The following TLN2 variants were observed in gnomAD, a reference collection of about 807,000 sequenced individuals.
TLN2 encodes the protein talin 2, also known as talin-2.
A neutral mutation model predicts 294.7 loss-of-function variants in TLN2; 118 were observed. The ratio of observed to expected loss-of-function variants is 0.40; its 90% CI spans 0.34 to 0.47. The LOEUF (loss-of-function observed/expected upper bound fraction) is 0.47, where lower values mean the gene tolerates loss of function less well. TLN2 is among the 20% of genes least tolerant of loss of function. TLN2 has a pLI of 0.84. For missense variants in TLN2, 3,083 were observed against 3,282.2 expected, an observed-to-expected ratio of 0.94 and a Z score of 1.48; for synonymous variants, 1,431 against 1,304.5, an observed-to-expected ratio of 1.10 and a Z score of -2.09.
In TLN2 at chr15:62,604,686, TTCG is replaced by T. The variant is rs1002314120; in HGVS notation, c.-161-13662_-161-13660del. 2.3e-3 allele frequency among the ~76,000 whole-genome samples: 326 copies of T among 140,270 alleles called. 2 individuals are homozygous for T. The highest frequency in any genetic ancestry group is 5.4e-3 in the Admixed American group (74 of 13,694). 92.0% of individuals were successfully genotyped at this position (140,270 alleles called of 152,430 possible). On this transcript the variant is annotated intron_variant, in intron 2 of 58. Transcript: ENST00000636159. ...GGGAGTGGAAAGTGGATTTCTTCTC[TTCG>T]TCTTCTTTTTTTTTTTTTTTTAATT... is the stretch of plus-strand genomic sequence containing the variant.
At chr15:62,746,064 C>T (rs980833939) in intron 32 of TLN2, among the ~76,000 whole-genome samples, 1 of 152,176 alleles carries the variant, frequency 6.6e-6, no homozygotes, top group African/African-American at 2.4e-5. Context: ...TTGAGGAAAA[C>T]TGGCGGCTTT....
intron 1 of TLN2, among the ~76,000 whole-genome samples, chr15:62,470,429 G>A (rs2037407037): frequency 6.6e-6 from 1 of 152,266 alleles, no homozygotes; most frequent in African/African-American, 2.4e-5. Context: ...CTGGGCCAGG[G>A]CTGACAGTGG....
At chr15:62,471,632 A>G (rs1254967849) in intron 1 of TLN2, among the ~76,000 whole-genome samples, 3 of 151,966 alleles carry the variant, frequency 2.0e-5, no homozygotes, top group African/African-American at 7.3e-5. Flanking sequence ...GGCAAGAACT[A>G]CCCTTTTCTG....
intron 1 of TLN2, among the ~76,000 whole-genome samples, chr15:62,444,082 T>C (rs2035692646): frequency 6.6e-6 from 1 of 152,214 alleles, no homozygotes; most frequent in Non-Finnish European, 1.5e-5. Context: ...CCTACCGATG[T>C]GAGCCTTGGA....
At chr15:62,710,092 A>G (rs1382844195) in intron 21 of TLN2, among the ~76,000 whole-genome samples, 6 of 152,152 alleles carry the variant, frequency 3.9e-5, no homozygotes, top group East Asian at 1.9e-4. Context: ...ATAGTATTCT[A>G]TTTTTTGAAG....
chr15:62,544,364 G>C (rs2041871123), intron 1 of TLN2, among the ~76,000 whole-genome samples: 1 of 152,060 alleles, frequency 6.6e-6, no homozygotes, highest in Admixed American at 6.5e-5. Flanking sequence ...CCTCCTGTGG[G>C]GCATCTGCTT....
At chr15:62,796,910 A>G (rs1042792457) in intron 47 of TLN2, among the ~76,000 whole-genome samples, 15 of 152,204 alleles carry the variant, frequency 9.9e-5, no homozygotes, top group Non-Finnish European at 1.5e-5. Flanking sequence ...GGAGTCACAG[A>G]AAAGAAGCTG....
rs28864183 is a variant in TLN2 at position 62,595,691 on chromosome 15, A to T, written c.-162+5929A>T. ...TCCATCATTGGATGAATAGATAAAGAAAATGTGGTATACATACACAGTGAA... is the reference window on the plus strand; with the variant it reads ...TCCATCATTGGATGAATAGATAAAGTAAATGTGGTATACATACACAGTGAA... On this transcript the variant is annotated intron_variant, in intron 2 of 58. Transcript: ENST00000636159. Among the ~76,000 whole-genome samples the T allele has an allele frequency of 2.6e-3, 396 of 152,354 alleles. 4 individuals are homozygous for T. Among genetic ancestry groups the T allele is most frequent in the African/African-American group, 9.2e-3 (384 of 41,594 alleles).
intron 1 of TLN2, among the ~76,000 whole-genome samples, chr15:62,558,560 C>G (rs941974511): frequency 6.6e-6 from 1 of 152,074 alleles, no homozygotes; most frequent in Non-Finnish European, 1.5e-5. Context: ...ACAGATTTAA[C>G]AAGAGAAAAA....
intron 44 of TLN2, among the ~76,000 whole-genome samples, chr15:62,783,483 G>C (rs936711418): frequency 1.3e-5 from 2 of 152,230 alleles, no homozygotes; most frequent in African/African-American, 4.8e-5. Flanking sequence ...GCTCCAAGCT[G>C]CACAGCCCGA....
intron 22 of TLN2, among the ~76,000 whole-genome samples, chr15:62,715,047 T>C (rs2140900326): frequency 6.6e-6 from 1 of 152,284 alleles, no homozygotes; most frequent in African/African-American, 2.4e-5. Flanking sequence ...AGTAGCCCAA[T>C]CCTTTTACAT....
chr15:62,568,220 G>T (rs111294031), intron 1 of TLN2, among the ~76,000 whole-genome samples: 1 of 152,026 alleles, frequency 6.6e-6, no homozygotes, highest in East Asian at 1.9e-4. Flanking sequence ...AGGAGGGAGC[G>T]GCAGGAGGGG....
chr15:62,494,102 A>C (rs1232669514), intron 1 of TLN2, among the ~76,000 whole-genome samples: 1 of 152,130 alleles, frequency 6.6e-6, no homozygotes, highest in Non-Finnish European at 1.5e-5. Flanking sequence ...GGTAGTTTTC[A>C]TGTGAATTTT....
chr15:62,489,915 G>T (rs911215335), intron 1 of TLN2, among the ~76,000 whole-genome samples: 6 of 152,224 alleles, frequency 3.9e-5, no homozygotes, highest in African/African-American at 1.4e-4. Flanking sequence ...CAAACCTTCA[G>T]ATGATTGTAG....
intron 1 of TLN2, among the ~76,000 whole-genome samples, chr15:62,511,668 G>A (rs1163684039): frequency 6.7e-6 from 1 of 148,704 alleles, no homozygotes; most frequent in Admixed American, 6.7e-5. Flanking sequence ...TAAGCGGTAT[G>A]CTTCATGGAG....
At chr15:62,767,157 G>T (rs887569492) in intron 41 of TLN2, among the ~76,000 whole-genome samples, 1 of 152,090 alleles carries the variant, frequency 6.6e-6, no homozygotes, top group African/African-American at 2.4e-5. Context: ...AATCTTCTTG[G>T]CAGGTATCGA....
intron 2 of TLN2, among the ~76,000 whole-genome samples, chr15:62,616,168 T>C (rs2048302911): frequency 6.6e-6 from 1 of 152,206 alleles, no homozygotes; most frequent in Non-Finnish European, 1.5e-5. Flanking sequence ...CCTTTTCACA[T>C]TTTCTCTTGT....
intron 1 of TLN2, among the ~76,000 whole-genome samples, chr15:62,483,963 G>C (rs2038243914): frequency 6.6e-6 from 1 of 152,196 alleles, no homozygotes; most frequent in Non-Finnish European, 1.5e-5. Context: ...AGATGTTAGG[G>C]AAAGTGGTGG....
At chr15:62,776,705 T>A in intron 42 of TLN2, 59 bp from the exon 43 acceptor site, 1 of 1,355,076 alleles carries the variant, frequency 7.4e-7, no homozygotes, top group South Asian at 2.1e-5. Flanking sequence ...AGGTTATTCT[T>A]AGAAGACTGA....
Sources: gnomAD v4.1 joint callset for allele counts (sites outside exome capture counted in the v4.1 genomes callset) on GRCh38, gnomAD v4.1.1 for gene constraint, MANE v1.5 for transcripts, NCBI Gene and HGNC (gene_info 2026-07-23, HGNC 2026-07-21) for gene names.